Variants in SLC15A4 observed in about 807,000 individuals in gnomAD.
SLC15A4 encodes the protein hPHT1.
A neutral mutation model predicts 46.1 loss-of-function variants in SLC15A4; 26 were observed. That is an observed-to-expected ratio of 0.56 (90% CI 0.41 to 0.78). SLC15A4 has a LOEUF of 0.78. SLC15A4 is among the 30% of genes least tolerant of loss of function. SLC15A4 has a pLI of 0.00. For missense variants in SLC15A4, 751 were observed against 755.7 expected (o/e 0.99, Z 0.07); for synonymous variants, 370 against 333.4 (o/e 1.11, Z -1.20).
chr12:128,816,264 C>A (rs1019729177), intron 1 of SLC15A4, among the ~76,000 whole-genome samples: 1 of 152,150 alleles, frequency 6.6e-6, no homozygotes, highest in Non-Finnish European at 1.5e-5. Flanking sequence ...TGGATTTTTA[C>A]GTCTAAATAA....
Position 128,799,325 on chromosome 12 carries a change from C to A in SLC15A4, c.1507G>T (p.Gly503Cys). ...FFFSGVGSFV[G>C]SGLLALVSIK... The stretch of plus-strand genomic sequence containing the variant: ...GACACCAGTGCCAGCAGTCCAGAAC[C>A]CACGAACGACCCGACGCCAGAGAAG... Residue 503 changes from glycine to cysteine, a missense_variant, in exon 7 of 8, where the codon GGT becomes TGT. Physicochemically the swap from Gly to Cys is radical, Grantham distance 159. Transcript: ENST00000266771. 1 of 1,614,172 alleles carries A rather than the reference C, an allele frequency of 6.2e-7. No homozygotes were observed. Among genetic ancestry groups the A allele is most frequent in the Non-Finnish European group, 8.5e-7 (1 of 1,180,040 alleles).
chr12:128,815,803 T>C (rs1361541862), intron 1 of SLC15A4: 3 of 152,474 alleles, frequency 2.0e-5, no homozygotes, highest in Non-Finnish European at 4.4e-5. Context: ...AGGTGACTTC[T>C]ACTCACAGGT....
intron 2 of SLC15A4, among the ~76,000 whole-genome samples, chr12:128,812,465 A>G (rs528428494): frequency 7.4e-4 from 112 of 152,072 alleles, no homozygotes; most frequent in Non-Finnish European, 1.3e-3. Context: ...CACTACAGGC[A>G]CCCGCCACCA....
chr12:128,806,209 A>C (rs1955587889), intron 5 of SLC15A4, among the ~76,000 whole-genome samples: 1 of 150,918 alleles, frequency 6.6e-6, no homozygotes, highest in Non-Finnish European at 1.5e-5. Context: ...AAATGGGTAC[A>C]ACACAAACTG....
chr12:128,812,573 C>G (rs1955673583), intron 2 of SLC15A4, among the ~76,000 whole-genome samples: 1 of 152,220 alleles, frequency 6.6e-6, no homozygotes, highest in South Asian at 2.1e-4. Flanking sequence ...GCCTCGGCCT[C>G]CCAAAGTGCT....
intron 3 of SLC15A4, 155 bp from the exon 4 acceptor site, chr12:128,809,628 T>C (rs934010810): frequency 6.7e-6 from 4 of 597,534 alleles, no homozygotes; most frequent in African/African-American, 3.7e-5. Flanking sequence ...AGGTCAATGA[T>C]TTGGTCATCG....
chr12:128,796,458 AC>A (rs60564252), intron 7 of SLC15A4, among the ~76,000 whole-genome samples: 7 of 34,664 alleles, frequency 2.0e-4, no homozygotes, highest in Non-Finnish European at 3.8e-4. Context: ...AAAAAAAAAA[AC>A]CCACACATCT....
intron 1 of SLC15A4, among the ~76,000 whole-genome samples, chr12:128,818,538 A>G (rs1305469284): frequency 6.6e-6 from 1 of 152,242 alleles, no homozygotes; most frequent in Non-Finnish European, 1.5e-5. Flanking sequence ...GCCATGAAGC[A>G]GCCGCACCTG....
At position 128,799,308 on chromosome 12, in the gene SLC15A4, T is replaced by G. The variant is rs1161372453; in HGVS notation, c.1524A>C (p.Ala508=). Residue 508 remains alanine, a synonymous_variant, in exon 7 of 8, where the codon GCA becomes GCC. Transcript: ENST00000266771. The part of the protein sequence containing the change: ...VGSFVGSGLL[A]LVSIKAIGWM... The stretch of plus-strand genomic sequence containing the variant: ...ATCCGATGGCTTTGATAGACACCAG[T>G]GCCAGCAGTCCAGAACCCACGAACG... 6.2e-7 allele frequency: 1 copy of G among 1,613,876 alleles called. No individual in the cohort carries two copies. The highest frequency in any genetic ancestry group is 8.5e-7 in the Non-Finnish European group (1 of 1,180,014).
chr12:128,821,529 G>A (rs1164013800), intron 1 of SLC15A4, among the ~76,000 whole-genome samples: 1 of 152,208 alleles, frequency 6.6e-6, no homozygotes, highest in African/African-American at 2.4e-5. Flanking sequence ...TATTTATGGA[G>A]ATTGAAATTT....
chr12:128,820,412 G>A lies in SLC15A4; in HGVS notation c.546+2986C>T, dbSNP rs769645265. On this transcript the variant is annotated intron_variant, in intron 1 of 7. Transcript: ENST00000266771. ...ATTTCGTCACATATGTAAAGCATAC[G>A]CCACTGTACAAAAAACCCAGTTCCA... 5.3e-5 allele frequency among the ~76,000 whole-genome samples: 8 copies of A among 152,176 alleles called. No individual in the cohort carries two copies. The South Asian group carries it at 8.3e-4, about 16-fold the overall frequency.
intron 5 of SLC15A4, among the ~76,000 whole-genome samples, chr12:128,804,276 T>G (rs1307116116): frequency 2.0e-5 from 3 of 152,204 alleles, no homozygotes; most frequent in African/African-American, 7.2e-5. Flanking sequence ...GAAATTAGTC[T>G]TAGATCAAAA....
At position 128,823,529 on chromosome 12, in the gene SLC15A4, G is replaced by A; in HGVS notation, c.415C>T (p.Leu139Phe). ...RAALCGSARL[L>F]NCTAPGPDAA... ...TCGGGACCAGGCGCCGTGCAGTTGA[G>A]CAGGCGCGCGGAACCGCAGAGCGCG... is the stretch of plus-strand genomic sequence containing the variant. Residue 139 changes from leucine to phenylalanine, a missense_variant, in exon 1 of 8, where the codon CTC becomes TTC. Transcript: ENST00000266771. 2 of 1,470,764 alleles carry A rather than the reference G, an allele frequency of 1.4e-6. No homozygotes were observed. Among genetic ancestry groups the A allele is most frequent in the Middle Eastern group, 2.3e-4 (1 of 4,432 alleles). 91.1% of individuals were successfully genotyped at this position (1,470,764 alleles called of 1,614,324 possible). A position where few individuals can be genotyped will look rare whatever the true frequency, so the allele number is the denominator to read the frequency against.
At chr12:128,822,724 G>T (rs1471093851) in intron 1 of SLC15A4, among the ~76,000 whole-genome samples, 1 of 152,060 alleles carries the variant, frequency 6.6e-6, no homozygotes, top group African/African-American at 2.4e-5. Context: ...GCTAATTTTT[G>T]TATTTTTAGC....
In SLC15A4 at chr12:128,815,046, T is replaced by G; in HGVS notation, c.571A>C (p.Thr191Pro). The G allele has an allele frequency of 1.9e-6, 3 of 1,610,656 alleles. No homozygotes were observed. The highest frequency in any genetic ancestry group is 2.5e-6 in the Non-Finnish European group (3 of 1,176,962). The change falls in exon 2 of 8, where the codon ACT (threonine) becomes CCT (proline). Residue 191 changes from threonine to proline, a missense_variant. Coordinates refer to ENST00000266771, the MANE Select transcript of SLC15A4 (RefSeq NM_145648.4). ...DQVKDRGPEA[T>P]RRFFNWFYWS... ...TAAAACCAATTAAAAAATCTCCTAGTGGCTTCCGGACCTCGATCTTTAACC... is the reference window on the plus strand; with the variant it reads ...TAAAACCAATTAAAAAATCTCCTAGGGGCTTCCGGACCTCGATCTTTAACC...
intron 1 of SLC15A4, among the ~76,000 whole-genome samples, chr12:128,818,147 T>C (rs1469122254): frequency 1.3e-5 from 2 of 152,130 alleles, no homozygotes. Flanking sequence ...AGGTCACTAT[T>C]TCAAATAATC....
At chr12:128,817,614 T>C (rs1955775986) in intron 1 of SLC15A4, among the ~76,000 whole-genome samples, 1 of 152,220 alleles carries the variant, frequency 6.6e-6, no homozygotes, top group South Asian at 2.1e-4. Flanking sequence ...TTATGTCCTC[T>C]TCAGATGAAG....
chr12:128,810,283 A>G, intron 2 of SLC15A4, 172 bp from the exon 3 acceptor site: 1 of 597,118 alleles, frequency 1.7e-6, no homozygotes, highest in Non-Finnish European at 2.9e-6. Flanking sequence ...ATTATTTCTA[A>G]ATGTCACAGA....
intron 3 of SLC15A4, chr12:128,809,728 G>C: frequency 1.8e-6 from 1 of 547,136 alleles, no homozygotes. Flanking sequence ...AAAACCAGAA[G>C]CGTACCTGTT....
Sources: gnomAD v4.1 joint callset for allele counts (sites outside exome capture counted in the v4.1 genomes callset) on GRCh38, gnomAD v4.1.1 for gene constraint, MANE v1.5 for transcripts, NCBI Gene and HGNC (gene_info 2026-07-23, HGNC 2026-07-21) for gene names.